Variants in B3GALT1 observed in about 807,000 individuals in gnomAD.
The protein encoded by B3GALT1 is beta-1,3-galactosyltransferase 1, also known as UDP-Gal:betaGlcNAc beta 1,3-galactosyltransferase, polypeptide 1.
B3GALT1 carries 10 observed loss-of-function variants against 23.2 expected under a neutral mutation model. The observed-to-expected ratio is 0.43, with a 90% CI of 0.27 to 0.73. The LOEUF (loss-of-function observed/expected upper bound fraction) is 0.73. Among genes scored for constraint, B3GALT1 ranks in the 30% least tolerant of loss-of-function variants. The pLI, the probability that B3GALT1 is intolerant of heterozygous loss-of-function variation, is 0.21. For synonymous variants in B3GALT1, 156 were observed against 141.5 expected, an observed-to-expected ratio of 1.10 and a Z score of -0.73; for missense variants, 299 against 405.4, an observed-to-expected ratio of 0.74 and a Z score of 2.25.
Position 167,830,446 on chromosome 2 carries a change from C to CA in B3GALT1, c.-230+11653_-230+11654insA, listed in dbSNP as rs572129552. ...ATGTTCCCCAGCCTTCAGTGAAATG[C>CA]TTTCAGGCTTTCACGTGAAAAGTTT... On this transcript the variant is annotated intron_variant, in intron 4 of 4. Coordinates refer to ENST00000392690, the MANE Select transcript of B3GALT1 (RefSeq NM_020981.4). Among the ~76,000 whole-genome samples, 27 of 151,944 alleles carry CA rather than the reference C, an allele frequency of 1.8e-4. No homozygotes were observed. The East Asian group carries it at 5.2e-3, about 29-fold the overall frequency.
At chr2:167,668,073 G>A (rs1323849034) in intron 3 of B3GALT1, among the ~76,000 whole-genome samples, 2 of 152,134 alleles carry the variant, frequency 1.3e-5, no homozygotes, top group African/African-American at 4.8e-5. Flanking sequence ...CCCCATCTTT[G>A]TGGTTTTATC....
chr2:167,736,849 A>C (rs916088943), intron 3 of B3GALT1, among the ~76,000 whole-genome samples: 1 of 152,134 alleles, frequency 6.6e-6, no homozygotes, highest in Non-Finnish European at 1.5e-5. Context: ...CATGAGAATC[A>C]CTTGAACCTG....
intron 1 of B3GALT1, among the ~76,000 whole-genome samples, chr2:167,364,032 C>T (rs1363128258): frequency 2.0e-5 from 3 of 152,000 alleles, no homozygotes; most frequent in African/African-American, 7.2e-5. Flanking sequence ...GGCATGGCGG[C>T]TGGCACCTAT....
At chr2:167,495,538 G>A (rs919576031) in intron 2 of B3GALT1, among the ~76,000 whole-genome samples, 3 of 151,980 alleles carry the variant, frequency 2.0e-5, no homozygotes, top group African/African-American at 7.3e-5. Context: ...TCTCCATGTT[G>A]GTCAGGCTGG....
chr2:167,342,583 T>A (rs1697166311), intron 1 of B3GALT1, among the ~76,000 whole-genome samples: 1 of 148,228 alleles, frequency 6.7e-6, no homozygotes, highest in East Asian at 2.0e-4. Context: ...GAGAGAGACT[T>A]CATCTCAAAA....
chr2:167,371,589 G>A (rs1417993622), intron 1 of B3GALT1, among the ~76,000 whole-genome samples: 2 of 152,052 alleles, frequency 1.3e-5, no homozygotes, highest in African/African-American at 4.8e-5. Context: ...CTTATCTGAC[G>A]AAGGTAATAA....
intron 2 of B3GALT1, among the ~76,000 whole-genome samples, chr2:167,583,998 A>G (rs1453049595): frequency 6.8e-6 from 1 of 147,446 alleles, no homozygotes; most frequent in African/African-American, 2.5e-5. Context: ...ATTGGAGAGT[A>G]ATTCAAGATA....
intron 1 of B3GALT1, among the ~76,000 whole-genome samples, chr2:167,403,429 G>A (rs564263199): frequency 3.9e-4 from 59 of 151,842 alleles, no homozygotes; most frequent in African/African-American, 1.3e-3. Context: ...TCATTGATGG[G>A]CATTTGGATT....
At chr2:167,453,241 G>T (rs1383712249) in intron 1 of B3GALT1, among the ~76,000 whole-genome samples, 2 of 152,102 alleles carry the variant, frequency 1.3e-5, no homozygotes, top group Non-Finnish European at 2.9e-5. Flanking sequence ...TAGCGTGCAG[G>T]TATGCCCTCC....
chr2:167,553,738 A>T (rs1209651651), intron 2 of B3GALT1, among the ~76,000 whole-genome samples: 1 of 152,196 alleles, frequency 6.6e-6, no homozygotes, highest in Non-Finnish European at 1.5e-5. Context: ...TTTCTTGGGC[A>T]CAATTTAAAC....
At chr2:167,424,299 A>C (rs1036855638) in intron 1 of B3GALT1, among the ~76,000 whole-genome samples, 2 of 152,222 alleles carry the variant, frequency 1.3e-5, no homozygotes, top group Non-Finnish European at 2.9e-5. Flanking sequence ...CTCATGCTAC[A>C]AAATGAGGAA....
At chr2:167,720,075 A>G (rs1304342585) in intron 3 of B3GALT1, among the ~76,000 whole-genome samples, 5 of 152,164 alleles carry the variant, frequency 3.3e-5, no homozygotes, top group Admixed American at 6.5e-5. Flanking sequence ...CCTTTACATC[A>G]TATGTTGTGA....
chr2:167,463,424 A>G (rs953147043), intron 1 of B3GALT1, among the ~76,000 whole-genome samples: 5 of 152,146 alleles, frequency 3.3e-5, no homozygotes, highest in Admixed American at 6.6e-5. Context: ...CTTACTAAAT[A>G]CTAAGCACTA....
rs79205685 is a variant in B3GALT1, at chr2:167,337,030, G to A, written c.-511+43696G>A. 3.5e-3 allele frequency among the ~76,000 whole-genome samples: 535 copies of A among 152,196 alleles called. 5 individuals carry two copies. The highest frequency in any genetic ancestry group is 0.012 in the African/African-American group (487 of 41,522). Reference sequence around the variant, plus strand: ...ATTACATGCCCTCCTTACCTACCCTGCCCCTCTTCCATGGAGGGGGTCAGG... The same window carrying A: ...ATTACATGCCCTCCTTACCTACCCTACCCCTCTTCCATGGAGGGGGTCAGG... On this transcript the variant is annotated intron_variant, in intron 1 of 4. Transcript: ENST00000392690.
chr2:167,815,908 G>A lies in B3GALT1; in HGVS notation c.-351-2764G>A, dbSNP rs553482338. The stretch of plus-strand genomic sequence containing the variant: ...CTGCCCAAGGAGAAATAGCAATAAT[G>A]GCAATTATCCAAAAGAGTAGATAAT... On this transcript the variant is annotated intron_variant, in intron 3 of 4. Transcript: ENST00000392690. Among the ~76,000 whole-genome samples, 9 of 152,196 alleles carry A rather than the reference G, an allele frequency of 5.9e-5. No homozygotes were observed. The South Asian group carries it at 1.2e-3, about 21-fold the overall frequency.
At chr2:167,772,424 C>T (rs2105309924) in intron 3 of B3GALT1, among the ~76,000 whole-genome samples, 1 of 152,206 alleles carries the variant, frequency 6.6e-6, no homozygotes, top group Middle Eastern at 3.4e-3. Context: ...AGACTGCAGG[C>T]TTAGGTAAAA....
intron 3 of B3GALT1, among the ~76,000 whole-genome samples, chr2:167,678,756 A>G (rs2105490706): frequency 6.6e-6 from 1 of 152,364 alleles, no homozygotes; most frequent in East Asian, 1.9e-4. Context: ...CTCAAATGGT[A>G]ATCAAAATTT....
chr2:167,825,201 G>A lies in B3GALT1; in HGVS notation c.-230+6408G>A, dbSNP rs1056734304. On this transcript the variant is annotated intron_variant, in intron 4 of 4. Transcript: ENST00000392690. Reference sequence around the variant, plus strand: ...CAGGAGGCTGAGGCAGGAGAATGGCGTGAACCCGGGAGGCGAAGCTTGCAG... The same window carrying A: ...CAGGAGGCTGAGGCAGGAGAATGGCATGAACCCGGGAGGCGAAGCTTGCAG... 6.0e-5 allele frequency among the ~76,000 whole-genome samples: 9 copies of A among 150,060 alleles called. No homozygotes were observed. The South Asian group carries it at 1.1e-3, about 18-fold the overall frequency.
intron 3 of B3GALT1, among the ~76,000 whole-genome samples, chr2:167,741,088 C>T (rs374201075): frequency 6.6e-6 from 1 of 152,176 alleles, no homozygotes; most frequent in South Asian, 2.1e-4. Flanking sequence ...TTTTCTTTGT[C>T]TCTCTCTGTC....
Sources: gnomAD v4.1 joint callset for allele counts (sites outside exome capture counted in the v4.1 genomes callset) on GRCh38, gnomAD v4.1.1 for gene constraint, MANE v1.5 for transcripts, NCBI Gene and HGNC (gene_info 2026-07-23, HGNC 2026-07-21) for gene names.